The following SLC71A2 variants were observed in gnomAD, a reference collection of about 807,000 sequenced individuals.
The protein encoded by SLC71A2 is solute carrier family 71 member 2.
At chr9:94,448,573 C>T in the SLC71A2 span, among the ~76,000 whole-genome samples, 1 of 152,148 alleles carries the variant, frequency 6.6e-6, no homozygotes, top group Non-Finnish European at 1.5e-5. Context: ...ATTCTTCATT[C>T]TGATAGTTTT....
At chr9:94,374,975 G>T in the SLC71A2 span, 5 of 1,218,786 alleles carry the variant, frequency 4.1e-6, no homozygotes, top group African/African-American at 7.9e-5. Context: ...GGGAGGCTGG[G>T]TGGGGTCGCA....
chr9:94,420,754 C>A, the SLC71A2 span, among the ~76,000 whole-genome samples: 5 of 151,984 alleles, frequency 3.3e-5, no homozygotes, highest in Admixed American at 2.6e-4. Context: ...TAAAAAGTAG[C>A]CAGGCATGGT....
At chr9:94,421,754 A>G in the SLC71A2 span, among the ~76,000 whole-genome samples, 1 of 152,056 alleles carries the variant, frequency 6.6e-6, no homozygotes, top group Non-Finnish European at 1.5e-5. Context: ...AGCATTATTT[A>G]TGGTGAACAC....
the SLC71A2 span, among the ~76,000 whole-genome samples, chr9:94,450,145 C>T: frequency 5.4e-4 from 82 of 152,146 alleles, 1 homozygote; most frequent in Non-Finnish European, 1.1e-3. Context: ...TTGCACAACT[C>T]TTTGGATATA....
chr9:94,428,531 C>T, the SLC71A2 span, among the ~76,000 whole-genome samples: 1 of 150,090 alleles, frequency 6.7e-6, no homozygotes, highest in Non-Finnish European at 1.5e-5. Context: ...TTAAGGTTCA[C>T]AGCAAAATTG....
At chr9:94,431,430 A>G in the SLC71A2 span, among the ~76,000 whole-genome samples, 31 of 151,670 alleles carry the variant, frequency 2.0e-4, 1 homozygote, top group South Asian at 6.4e-3. Flanking sequence ...TTAATAAATC[A>G]TATTTATTAT....
chr9:94,442,526 G>A, the SLC71A2 span, among the ~76,000 whole-genome samples: 2 of 152,106 alleles, frequency 1.3e-5, no homozygotes, highest in Non-Finnish European at 2.9e-5. Context: ...CTTCGAAGAA[G>A]ACAAGATTTG....
At chr9:94,456,878 TC>T in the SLC71A2 span, among the ~76,000 whole-genome samples, 7 of 152,246 alleles carry the variant, frequency 4.6e-5, no homozygotes, top group Admixed American at 3.9e-4. Context: ...TAGATCCATA[TC>T]CCATCCTTCC....
chr9:94,441,891 A>C, the SLC71A2 span, among the ~76,000 whole-genome samples: 396 of 152,372 alleles, frequency 2.6e-3, 1 homozygote, highest in Non-Finnish European at 4.5e-3. Flanking sequence ...ATGTAGAAGA[A>C]AGACTTGTTA....
the SLC71A2 span, among the ~76,000 whole-genome samples, chr9:94,400,856 G>C: frequency 4.6e-5 from 7 of 152,148 alleles, no homozygotes; most frequent in Admixed American, 1.3e-4. Context: ...AAAGTGTCCT[G>C]TGCTTCATCC....
chr9:94,403,765 G>A, the SLC71A2 span, among the ~76,000 whole-genome samples: 3 of 152,098 alleles, frequency 2.0e-5, no homozygotes, highest in African/African-American at 7.2e-5. Context: ...CATAGGGGCT[G>A]CACCATTTTA....
chr9:94,426,430 G>A, the SLC71A2 span, among the ~76,000 whole-genome samples: 1 of 152,076 alleles, frequency 6.6e-6, no homozygotes, highest in Non-Finnish European at 1.5e-5. Context: ...ACTTCTTCAA[G>A]GTCTTCTCTT....
At chr9:94,445,138 T>C in the SLC71A2 span, 1 of 1,614,102 alleles carries the variant, frequency 6.2e-7, no homozygotes, top group Non-Finnish European at 8.5e-7. Flanking sequence ...GAGACCGGTT[T>C]CCTGGGGAGC....
the SLC71A2 span, among the ~76,000 whole-genome samples, chr9:94,390,257 C>T: frequency 3.3e-4 from 50 of 150,092 alleles, 1 homozygote; most frequent in Admixed American, 7.3e-4. Flanking sequence ...ATGTTTACCC[C>T]GCTCATAAGG....
the SLC71A2 span, among the ~76,000 whole-genome samples, chr9:94,422,604 T>C: frequency 6.6e-6 from 1 of 152,140 alleles, no homozygotes; most frequent in Non-Finnish European, 1.5e-5. Flanking sequence ...GTGAACAATT[T>C]ACTCTTCAGC....
the SLC71A2 span, among the ~76,000 whole-genome samples, chr9:94,449,289 T>G: frequency 6.6e-6 from 1 of 152,212 alleles, no homozygotes; most frequent in African/African-American, 2.4e-5. Context: ...CACACTAACA[T>G]TTTAGTTAAA....
chr9:94,428,005 C>T, the SLC71A2 span, among the ~76,000 whole-genome samples: 1 of 151,802 alleles, frequency 6.6e-6, no homozygotes, highest in African/African-American at 2.4e-5. Flanking sequence ...TCCTGTAGTC[C>T]CAGCTACTCG....
At chr9:94,392,754 C>A in the SLC71A2 span, among the ~76,000 whole-genome samples, 1 of 152,188 alleles carries the variant, frequency 6.6e-6, no homozygotes, top group African/African-American at 2.4e-5. Context: ...CTGCCTTGGC[C>A]TCCCAAAGTG....
chr9:94,428,415 CT>C, the SLC71A2 span, among the ~76,000 whole-genome samples: 1 of 131,602 alleles, frequency 7.6e-6, no homozygotes, highest in Non-Finnish European at 1.6e-5. Context: ...AGATGACAAA[CT>C]TTTTCTAAAC....
Sources: allele counts gnomAD v4.1 joint callset (sites outside exome capture counted in the v4.1 genomes callset), GRCh38; gene constraint gnomAD v4.1.1; transcripts MANE v1.5; gene names NCBI Gene and HGNC (gene_info 2026-07-23, HGNC 2026-07-21).